TDRD7: variants seen among roughly 807,000 people sequenced by gnomAD.
The protein encoded by TDRD7 is tudor domain-containing protein 7.
In TDRD7, 47 loss-of-function variants were observed where a neutral mutation model predicts 109.8. The observed-to-expected ratio is 0.43, with a 90% CI of 0.34 to 0.55. The LOEUF is 0.55. Among genes scored for constraint, TDRD7 ranks in the 20% least tolerant of loss-of-function variants. The probability of loss-of-function intolerance (pLI) is 0.03; values close to 1 mark genes in which losing one functional copy is unlikely to be tolerated. For synonymous variants in TDRD7, 424 were observed against 457.3 expected, an observed-to-expected ratio of 0.93 and a Z score of 0.93; for missense variants, 1,164 against 1,319.2, an observed-to-expected ratio of 0.88 and a Z score of 1.82.
chr9:97,441,721 T>C lies in TDRD7; in HGVS notation c.701T>C (p.Met234Thr), dbSNP rs780208548. ...CCTCCTGCCTCTTACACTTATAAAATGGATGAGGTTCAAAATCGCATAAAG... is the reference window on the plus strand; with the variant it reads ...CCTCCTGCCTCTTACACTTATAAAACGGATGAGGTTCAAAATCGCATAAAG... ...VKPPASYTYK[M>T]DEVQNRIKEI... is the part of the protein sequence containing the mutation. Residue 234 changes from methionine to threonine, a missense_variant, in exon 6 of 17, where the codon ATG (methionine) becomes ACG (threonine). Coordinates refer to ENST00000355295, the MANE Select transcript of TDRD7 (RefSeq NM_014290.3). 1 of 1,613,676 alleles carries C rather than the reference T, an allele frequency of 6.2e-7. No individual in the cohort carries two copies. Among genetic ancestry groups the C allele is most frequent in the East Asian group, 2.2e-5 (1 of 44,830 alleles).
At chr9:97,419,584 G>C (rs895498394) in intron 1 of TDRD7, among the ~76,000 whole-genome samples, 1 of 152,160 alleles carries the variant, frequency 6.6e-6, no homozygotes, top group African/African-American at 2.4e-5. Flanking sequence ...TCAGAGTGTG[G>C]ACTTCAGAGG....
At chr9:97,480,749 A>C in intron 13 of TDRD7, 79 bp from the exon 14 acceptor site, 1 of 1,175,316 alleles carries the variant, frequency 8.5e-7, no homozygotes, top group Non-Finnish European at 1.3e-6. Flanking sequence ...TTTGATTTGT[A>C]GGAAAATAAT....
intron 5 of TDRD7, 146 bp from the exon 6 acceptor site, chr9:97,441,512 G>T: frequency 1.5e-6 from 1 of 683,908 alleles, no homozygotes; most frequent in East Asian, 2.8e-5. Context: ...TCACGGTGCT[G>T]CTCTGCCTAA....
intron 14 of TDRD7, among the ~76,000 whole-genome samples, chr9:97,482,067 C>A (rs1829125419): frequency 1.3e-5 from 2 of 152,218 alleles, no homozygotes; most frequent in Non-Finnish European, 1.5e-5. Context: ...ATGAGAATAG[C>A]CAACAGTCAC....
At chr9:97,465,446 T>A (rs1044926368) in intron 8 of TDRD7, among the ~76,000 whole-genome samples, 4 of 152,190 alleles carry the variant, frequency 2.6e-5, no homozygotes, top group African/African-American at 9.7e-5. Context: ...CAGGTCCTTC[T>A]CCACAGCTGC....
In TDRD7 at chr9:97,412,186, G is replaced by T. The variant is rs1353781684; in HGVS notation, c.-59G>T. ...CGGCGGGGCCCCTGGCGGAGACGGC[G>T]GCAGGAGCTGGGCCCAGAGACGCGG... On this transcript the variant is annotated 5_prime_UTR_variant, in exon 1 of 17. Transcript: ENST00000355295. This position sits in a 1 kb window ranked among gnomAD's most constrained non-coding sequence, Gnocchi z 4.3. 1 of 153,628 alleles carries T rather than the reference G, an allele frequency of 6.5e-6. No individual in the cohort carries two copies. Among genetic ancestry groups the T allele is most frequent in the African/African-American group, 2.4e-5 (1 of 41,452 alleles). 9.5% of individuals were successfully genotyped at this position (153,628 alleles called of 1,614,324 possible). A position where few individuals can be genotyped will look rare whatever the true frequency, so the allele number is the denominator to read the frequency against.
intron 5 of TDRD7, 29 bp downstream of exon 5, chr9:97,439,347 A>T (rs754726277): frequency 1.3e-6 from 2 of 1,576,752 alleles, no homozygotes; most frequent in Non-Finnish European, 1.7e-6. Flanking sequence ...TTTGAGATAC[A>T]TATTGGCTTC....
chr9:97,477,672 A>G (rs1829045980), intron 12 of TDRD7, among the ~76,000 whole-genome samples: 1 of 152,092 alleles, frequency 6.6e-6, no homozygotes, highest in South Asian at 2.1e-4. Flanking sequence ...AATTAGTGAA[A>G]AGCAGATCCT....
At position 97,467,252 on chromosome 9, in the gene TDRD7, A is replaced by G. The variant is rs1432548393; in HGVS notation, c.1629+2224A>G. On this transcript the variant is annotated intron_variant, in intron 8 of 16. Transcript: ENST00000355295. ...GAAGAATCATACGTAAATCCTAATG[A>G]CACATTAACAGTGTAACAATATTTA... 2.0e-5 allele frequency among the ~76,000 whole-genome samples: 3 copies of G among 152,218 alleles called. No homozygotes were observed. The East Asian group carries it at 5.8e-4, about 29-fold the overall frequency.
intron 6 of TDRD7, among the ~76,000 whole-genome samples, chr9:97,449,899 T>C (rs1828462242): frequency 6.6e-6 from 1 of 152,134 alleles, no homozygotes; most frequent in Non-Finnish European, 1.5e-5. Flanking sequence ...ACCAAATATA[T>C]ATTTCACGGT....
intron 7 of TDRD7, among the ~76,000 whole-genome samples, chr9:97,463,939 A>C (rs1488376699): frequency 6.6e-6 from 1 of 152,154 alleles, no homozygotes; most frequent in Non-Finnish European, 1.5e-5. Flanking sequence ...AATTTGTTCA[A>C]ATTCTTTAAT....
intron 6 of TDRD7, among the ~76,000 whole-genome samples, chr9:97,456,394 G>A (rs768195692): frequency 2.6e-5 from 4 of 152,210 alleles, no homozygotes; most frequent in African/African-American, 9.6e-5. Context: ...AAGCAAAGCT[G>A]GAGGCATCAC....
chr9:97,466,091 C>G (rs1185540060), intron 8 of TDRD7, among the ~76,000 whole-genome samples: 1 of 152,190 alleles, frequency 6.6e-6, no homozygotes, highest in South Asian at 2.1e-4. Context: ...AATACAAAAC[C>G]TTATTCCATG....
At chr9:97,476,942 A>G (rs1024824004) in intron 12 of TDRD7, among the ~76,000 whole-genome samples, 1 of 152,188 alleles carries the variant, frequency 6.6e-6, no homozygotes, top group East Asian at 1.9e-4. Flanking sequence ...AATTATTGCT[A>G]TTAATGTGAC....
At chr9:97,420,501 C>T (rs1004813018) in intron 1 of TDRD7, among the ~76,000 whole-genome samples, 3 of 152,124 alleles carry the variant, frequency 2.0e-5, no homozygotes, top group Non-Finnish European at 2.9e-5. Context: ...TCTGTAGTTT[C>T]GCCTTTTCCA....
intron 1 of TDRD7, 109 bp from the exon 2 acceptor site, chr9:97,428,351 A>G (rs143499777): frequency 5.4e-5 from 59 of 1,084,084 alleles, no homozygotes; most frequent in Middle Eastern, 2.9e-4. Context: ...AATTGCACAG[A>G]AAGTATGCAG....
rs1828940743 is a variant in TDRD7, at chr9:97,472,585, TAGAGAC to T, written c.1944+94_1944+99del. 2.7e-6 allele frequency: 3 copies of T among 1,091,610 alleles called. No individual in the cohort carries two copies. The East Asian group carries it at 7.2e-5, about 26-fold the overall frequency. The allele number at this position is 1,091,610 out of a possible 1,614,324, so 67.6% of individuals were successfully genotyped here. On this transcript the variant is annotated intron_variant, in intron 10 of 16. Coordinates refer to ENST00000355295, the MANE Select transcript of TDRD7 (RefSeq NM_014290.3). ...TTATACATTTTAGGCTAACAATTGA[TAGAGAC>T]AGATTACATTTACATTGAGGGGAAA...
intron 9 of TDRD7, 42 bp downstream of exon 9, chr9:97,470,711 C>A: frequency 7.1e-7 from 1 of 1,416,112 alleles, no homozygotes; most frequent in Non-Finnish European, 9.9e-7. Flanking sequence ...TTTCAATAGG[C>A]TATTACCACT....
rs546375171 is a variant in TDRD7 at position 97,448,291 on chromosome 9, G to T, written c.855+6416G>T. ...TGATATGGAACGGTGGATTGGATGG[G>T]TTTAGCTCCTGCATACAGGGTACAC... On this transcript the variant is annotated intron_variant, in intron 6 of 16. Coordinates refer to ENST00000355295, the MANE Select transcript of TDRD7 (RefSeq NM_014290.3). Among the ~76,000 whole-genome samples the T allele has an allele frequency of 7.9e-5, 12 of 152,308 alleles. No individual in the cohort carries two copies. In the South Asian group the frequency reaches 2.1e-3, roughly 26 times the overall value.
Sources: gnomAD v4.1 joint callset for allele counts (sites outside exome capture counted in the v4.1 genomes callset) on GRCh38, gnomAD v4.1.1 for gene constraint, Gnocchi (gnomAD v3.1) non-coding constraint, MANE v1.5 for transcripts, NCBI Gene and HGNC (gene_info 2026-07-23, HGNC 2026-07-21) for gene names.